SYBU: variants seen among roughly 807,000 people sequenced by gnomAD.
The protein encoded by SYBU is GOLSYN A protein.
A neutral mutation model predicts 35.9 loss-of-function variants in SYBU; 21 were observed. That is an observed-to-expected ratio of 0.58 (90% CI 0.41 to 0.84). SYBU has a LOEUF of 0.84. Ranked by LOEUF, SYBU falls within the 40% of genes least tolerant of loss-of-function variation. SYBU has a pLI of 0.00. For missense variants in SYBU, 768 were observed against 848.2 expected, an observed-to-expected ratio of 0.91 and a Z score of 1.17; for synonymous variants, 319 against 324.3, an observed-to-expected ratio of 0.98 and a Z score of 0.18.
At chr8:109,673,602 C>T (rs3133923) in intron 1 of SYBU, among the ~76,000 whole-genome samples, 13,659 of 152,124 alleles carry the variant, frequency 0.09, 907 homozygotes, top group East Asian at 0.34. Context: ...GCTGAAAATT[C>T]CAAAAACCAG....
Position 109,619,051 on chromosome 8 carries a change from G to C in SYBU, c.230-12C>G, listed in dbSNP as rs769279046. Reference sequence around the variant, plus strand: ...ACAGCCTGTGTCATCTAGAAGACAGGAATCAATAAGTGTTTAATGATGAGG... The same window carrying C: ...ACAGCCTGTGTCATCTAGAAGACAGCAATCAATAAGTGTTTAATGATGAGG... On this transcript the variant is annotated splice_polypyrimidine_tract_variant and intron_variant, in intron 2 of 6. Coordinates refer to ENST00000276646, the MANE Select transcript of SYBU (RefSeq NM_001099754.2). 8 of 1,606,386 alleles carry C rather than the reference G, an allele frequency of 5.0e-6. No individual in the cohort carries two copies. In the East Asian group the frequency reaches 1.8e-4, roughly 36 times the overall value.
chr8:109,669,119 G>T (rs1283088354), intron 1 of SYBU, among the ~76,000 whole-genome samples: 2 of 151,764 alleles, frequency 1.3e-5, no homozygotes, highest in African/African-American at 4.8e-5. Flanking sequence ...GAGGCAGGTG[G>T]ATCACGAGGT....
At chr8:109,597,593 T>C (rs1412732967) in intron 3 of SYBU, among the ~76,000 whole-genome samples, 1 of 151,638 alleles carries the variant, frequency 6.6e-6, no homozygotes, top group Admixed American at 6.6e-5. Context: ...CATGCGCTTA[T>C]AGTCCCACTA....
rs1414359181 is a variant in SYBU, at chr8:109,644,803, C to T, written c.-144G>A. On this transcript the variant is annotated 5_prime_UTR_variant, in exon 1 of 7. Coordinates refer to ENST00000276646, the MANE Select transcript of SYBU (RefSeq NM_001099754.2). ...GTGAGGCTCCAACGCGCCGCCGCCGCCACTGCCGCCGATTGCTCTGGGCTC... is the reference window on the plus strand; with the variant it reads ...GTGAGGCTCCAACGCGCCGCCGCCGTCACTGCCGCCGATTGCTCTGGGCTC... 1.7e-5 allele frequency: 13 copies of T among 787,200 alleles called. No homozygotes were observed. The highest frequency in any genetic ancestry group is 2.1e-5 in the Non-Finnish European group (12 of 560,142). The allele number at this position is 787,200 out of a possible 1,614,324, so 48.8% of individuals were successfully genotyped here. A position where few individuals can be genotyped will look rare whatever the true frequency, so the allele number is the denominator to read the frequency against.
intron 2 of SYBU, among the ~76,000 whole-genome samples, chr8:109,633,979 C>CA (rs1427749743): frequency 6.6e-6 from 1 of 152,236 alleles, no homozygotes; most frequent in African/African-American, 2.4e-5. Context: ...AGTGACCTGC[C>CA]AGCCTCGGCT....
chr8:109,623,598 T>A (rs1812673446), intron 2 of SYBU, among the ~76,000 whole-genome samples: 1 of 152,180 alleles, frequency 6.6e-6, no homozygotes, highest in Non-Finnish European at 1.5e-5. Context: ...CTAAATGTTG[T>A]TAAAAAATGA....
chr8:109,643,144 G>A, intron 1 of SYBU: 1 of 1,261,616 alleles, frequency 7.9e-7, no homozygotes, highest in East Asian at 3.3e-5. Context: ...ACATGTCTGT[G>A]TGGCACACAC....
Position 109,691,499 on chromosome 8 carries a change from T to C in SYBU, c.-224A>G. The C allele has an allele frequency of 2.0e-6, 1 of 511,836 alleles. No individual in the cohort carries two copies. Among genetic ancestry groups the C allele is most frequent in the East Asian group, 3.5e-5 (1 of 28,252 alleles). The allele number at this position is 511,836 out of a possible 1,614,324, so 31.7% of individuals were successfully genotyped here. A position where few individuals can be genotyped will look rare whatever the true frequency, so the allele number is the denominator to read the frequency against. On this transcript the variant is annotated 5_prime_UTR_variant, in exon 1 of 8. Coordinates refer to the SYBU transcript ENST00000422135. This position sits in a 1 kb window ranked among gnomAD's most constrained non-coding sequence, Gnocchi z 4.7. ...CCGGGCCCGGCCCGCTCCGCCCGCC[T>C]TAGCCCGGCTTGGACACGTGGTGCC... is the stretch of plus-strand genomic sequence containing the variant.
At chr8:109,616,847 G>C (rs1811852439) in intron 3 of SYBU, among the ~76,000 whole-genome samples, 1 of 151,946 alleles carries the variant, frequency 6.6e-6, no homozygotes. Flanking sequence ...AATGCAAAAA[G>C]AGGATGGTAG....
chr8:109,600,859 A>C (rs1431663555), intron 3 of SYBU, among the ~76,000 whole-genome samples: 1 of 152,182 alleles, frequency 6.6e-6, no homozygotes, highest in African/African-American at 2.4e-5. Flanking sequence ...TAATGCAAAC[A>C]CTTAGGATAC....
At position 109,589,685 on chromosome 8, in the gene SYBU, C is replaced by T. The variant is rs910680804; in HGVS notation, c.428-3523G>A. On this transcript the variant is annotated intron_variant, in intron 3 of 6. Coordinates refer to ENST00000276646, the MANE Select transcript of SYBU (RefSeq NM_001099754.2). ...TAAGCGTTCTGTGCATGTATGCTAA[C>T]GCCAGGGAATTAGAAAAGGAAGGAA... 9.2e-5 allele frequency among the ~76,000 whole-genome samples: 14 copies of T among 152,150 alleles called. No individual in the cohort carries two copies. In the South Asian group the frequency reaches 1.5e-3, roughly 16 times the overall value.
At position 109,642,924 on chromosome 8, in the gene SYBU, G is replaced by A; in HGVS notation, c.33C>T (p.His11=). Residue 11 remains histidine (H), a synonymous_variant, in exon 2 of 7, where the codon CAC becomes CAT. Transcript: ENST00000276646. ...TCTCCTTGTCATGATGCTGCACTCT[G>A]TGCTCCTTCTCAAAATTGGACATCA... MGPLRESKKE[H]RVQHHDKEIS... The A allele has an allele frequency of 6.7e-7, 1 of 1,496,370 alleles. No homozygotes were observed. Among genetic ancestry groups the A allele is most frequent in the South Asian group, 1.3e-5 (1 of 74,982 alleles). The allele number at this position is 1,496,370 out of a possible 1,614,324, so 92.7% of individuals were successfully genotyped here. A position where few individuals can be genotyped will look rare whatever the true frequency, so the allele number is the denominator to read the frequency against.
intron 2 of SYBU, among the ~76,000 whole-genome samples, chr8:109,641,770 C>A (rs1814906657): frequency 6.6e-6 from 1 of 152,176 alleles, no homozygotes; most frequent in African/African-American, 2.4e-5. Flanking sequence ...TAAAAACAGT[C>A]ATAGAATGGC....
chr8:109,629,305 A>G (rs1054345450), intron 2 of SYBU, among the ~76,000 whole-genome samples: 1 of 152,212 alleles, frequency 6.6e-6, no homozygotes, highest in Non-Finnish European at 1.5e-5. Flanking sequence ...CTGAGTGCCT[A>G]TTAACTACCA....
At chr8:109,675,833 C>CA (rs1352491622) in intron 1 of SYBU, among the ~76,000 whole-genome samples, 1 of 151,940 alleles carries the variant, frequency 6.6e-6, no homozygotes, top group African/African-American at 2.4e-5. Context: ...AGAGACACAA[C>CA]AAAAAAAGAA....
rs142746726 is a variant in SYBU at position 109,675,371 on chromosome 8, A to C, written c.-129+5340T>G. On this transcript the variant is annotated intron_variant, in intron 1 of 5. Coordinates refer to the SYBU transcript ENST00000408889. The stretch of plus-strand genomic sequence containing the variant: ...CCGGAGCTGGTTTTTTGAAAAGATT[A>C]ACAAAATAGATAGACTGCTAGCCAG... Among the ~76,000 whole-genome samples the C allele has an allele frequency of 3.6e-4, 55 of 152,334 alleles. 2 individuals carry two copies. The East Asian group carries it at 7.9e-3, about 22-fold the overall frequency.
chr8:109,618,861 C>T lies in SYBU; in HGVS notation c.408G>A (p.Lys136=). 1 of 1,614,162 alleles carries T rather than the reference C, an allele frequency of 6.2e-7. No homozygotes were observed. Among genetic ancestry groups the T allele is most frequent in the Non-Finnish European group, 8.5e-7 (1 of 1,179,996 alleles). The part of the protein sequence containing the change: ...IQSSRYKKES[K]SGLVKPGSEA... ...ACTGACCTGGTTTCACAAGGCCTGA[C>T]TTTGATTCCTTCTTATATCGAGAGG... The change falls in exon 3 of 7, where the codon AAG becomes AAA. Residue 136 remains lysine (K), a synonymous_variant. Coordinates refer to ENST00000276646, the MANE Select transcript of SYBU (RefSeq NM_001099754.2).
chr8:109,575,487 G>C lies in SYBU; in HGVS notation c.1411C>G (p.Leu471Val), dbSNP rs1374149775. ...STPGANVLEL[L>V]PIVMGQEEGS... ...TCCTCCTGACCCATGACTATGGGCA[G>C]CAGCTCCAGGACGTTAGCCCCAGGG... Residue 471 changes from leucine (L) to valine (V), a missense_variant, in exon 7 of 7, where the codon CTG becomes GTG. Coordinates refer to ENST00000276646, the MANE Select transcript of SYBU (RefSeq NM_001099754.2). 5 of 1,614,032 alleles carry C rather than the reference G, an allele frequency of 3.1e-6. No homozygotes were observed. The highest frequency in any genetic ancestry group is 4.2e-6 in the Non-Finnish European group (5 of 1,180,040).
chr8:109,656,017 G>A (rs1342035508), intron 1 of SYBU, among the ~76,000 whole-genome samples: 1 of 152,132 alleles, frequency 6.6e-6, no homozygotes, highest in Non-Finnish European at 1.5e-5. Flanking sequence ...TCCGGAGGCT[G>A]AGGCAGGAGA....
Sources: gnomAD v4.1 joint callset for allele counts (sites outside exome capture counted in the v4.1 genomes callset) on GRCh38, gnomAD v4.1.1 for gene constraint, Gnocchi (gnomAD v3.1) non-coding constraint, MANE v1.5 for transcripts, NCBI Gene and HGNC (gene_info 2026-07-23, HGNC 2026-07-21) for gene names.